RB1CC1: variants seen among roughly 807,000 people sequenced by gnomAD.
RB1CC1 encodes the protein RB1 inducible coiled-coil 1.
In RB1CC1, 46 loss-of-function variants were observed where a neutral mutation model predicts 177.5. That is an observed-to-expected ratio of 0.26 (90% CI 0.20 to 0.33). The LOEUF is 0.33. Among genes scored for constraint, RB1CC1 ranks in the 10% least tolerant of loss-of-function variants. The pLI is 1.00. For missense variants in RB1CC1, 1,703 were observed against 1,816.3 expected (o/e 0.94, Z 1.13); for synonymous variants, 666 against 613.6 (o/e 1.09, Z -1.26).
chr8:52,707,436 T>C lies in RB1CC1; in HGVS notation c.-167+6639A>G, dbSNP rs542072328. Reference sequence around the variant, plus strand: ...TTCTTTTCTTTTTCTTTCTTTCTTTTTTTTTTTTTTTTTTTACAAACTTTC... The same window carrying C: ...TTCTTTTCTTTTTCTTTCTTTCTTTCTTTTTTTTTTTTTTTACAAACTTTC... On this transcript the variant is annotated intron_variant, in intron 1 of 23. Coordinates refer to ENST00000025008, the MANE Select transcript of RB1CC1 (RefSeq NM_014781.5). Among the ~76,000 whole-genome samples the C allele has an allele frequency of 7.9e-3, 1,179 of 148,464 alleles. 6 individuals are homozygous for C. Among genetic ancestry groups the C allele is most frequent in the African/African-American group, 0.027 (1,076 of 40,438 alleles).
rs372410799 is a variant in RB1CC1 at position 52,656,553 on chromosome 8, A to C, written c.3276T>G (p.Leu1092=). The C allele has an allele frequency of 2.5e-6, 4 of 1,610,984 alleles. No homozygotes were observed. The African/African-American group carries it at 5.4e-5, about 22-fold the overall frequency. The change falls in exon 15 of 24, where the codon CTT becomes CTG. Residue 1092 remains leucine, a synonymous_variant. Transcript: ENST00000025008. ...RAQQKETLKS[L]LEQETENLRT... is the part of the protein sequence containing the mutation. Reference sequence around the variant, plus strand: ...TCAAATTTTCTGTCTCTTGTTCAAGAAGAGATTTCAAGGTCTCCTTCTGCT... The same window carrying C: ...TCAAATTTTCTGTCTCTTGTTCAAGCAGAGATTTCAAGGTCTCCTTCTGCT...
chr8:52,683,015 A>G (rs1853909055), intron 5 of RB1CC1, among the ~76,000 whole-genome samples: 1 of 152,224 alleles, frequency 6.6e-6, no homozygotes, highest in African/African-American at 2.4e-5. Context: ...CCATGATTAA[A>G]AGAAAAATGT....
chr8:52,703,757 T>C (rs1259414709), intron 1 of RB1CC1, among the ~76,000 whole-genome samples: 3 of 152,194 alleles, frequency 2.0e-5, no homozygotes, highest in Non-Finnish European at 4.4e-5. Flanking sequence ...CCAAGCTGTA[T>C]TGCAAATGGC....
intron 8 of RB1CC1, among the ~76,000 whole-genome samples, chr8:52,666,461 T>C (rs1852075903): frequency 6.7e-6 from 1 of 150,346 alleles, no homozygotes; most frequent in Non-Finnish European, 1.5e-5. Context: ...GACGTTGCAG[T>C]GAGACGAGAT....
Position 52,656,549 on chromosome 8 carries a change from C to G in RB1CC1, c.3280G>C (p.Glu1094Gln), listed in dbSNP as rs758895434. 22 of 1,611,038 alleles carry G rather than the reference C, an allele frequency of 1.4e-5. No homozygotes were observed. The African/African-American group carries it at 1.6e-4, about 12-fold the overall frequency. ...QQKETLKSLL[E>Q]QETENLRTEI... Reference sequence around the variant, plus strand: ...GTTCTCAAATTTTCTGTCTCTTGTTCAAGAAGAGATTTCAAGGTCTCCTTC... The same window carrying G: ...GTTCTCAAATTTTCTGTCTCTTGTTGAAGAAGAGATTTCAAGGTCTCCTTC... Residue 1094 changes from glutamate (E) to glutamine (Q), a missense_variant, in exon 15 of 24, where the codon GAA becomes CAA. Around this residue, in one of 6 missense-constraint regions of RB1CC1, gnomAD observed 1,169 missense variants for 1,184.7 expected, o/e 0.99. Transcript: ENST00000025008.
At chr8:52,629,259 G>A (rs1848596083) in intron 21 of RB1CC1, among the ~76,000 whole-genome samples, 1 of 152,124 alleles carries the variant, frequency 6.6e-6, no homozygotes, top group African/African-American at 2.4e-5. Flanking sequence ...GTTAAATAAA[G>A]GGTCTTAACT....
chr8:52,655,584 G>A (rs1470474489), intron 15 of RB1CC1, among the ~76,000 whole-genome samples: 1 of 151,990 alleles, frequency 6.6e-6, no homozygotes, highest in African/African-American at 2.4e-5. Context: ...ATGTTCCTAT[G>A]ATTTAGCCTT....
At chr8:52,632,639 G>C (rs920752004) in intron 20 of RB1CC1, among the ~76,000 whole-genome samples, 2 of 152,168 alleles carry the variant, frequency 1.3e-5, no homozygotes, top group African/African-American at 4.8e-5. Flanking sequence ...CTTTCTGAAT[G>C]TGACTGTGAT....
intron 1 of RB1CC1, among the ~76,000 whole-genome samples, chr8:52,704,003 G>A (rs1856332076): frequency 6.6e-6 from 1 of 152,160 alleles, no homozygotes. Flanking sequence ...ATGATCCCAT[G>A]AAACTGAATT....
intron 15 of RB1CC1, among the ~76,000 whole-genome samples, chr8:52,653,984 G>C (rs980174415): frequency 1.3e-5 from 2 of 152,146 alleles, no homozygotes; most frequent in Non-Finnish European, 2.9e-5. Flanking sequence ...TGGTAGAAAA[G>C]GCCAAGTAAA....
intron 5 of RB1CC1, among the ~76,000 whole-genome samples, chr8:52,682,310 T>C (rs1055124023): frequency 3.9e-5 from 6 of 152,160 alleles, no homozygotes; most frequent in Non-Finnish European, 8.8e-5. Flanking sequence ...CTGCCATAAT[T>C]CCGAGGCCTC....
intron 15 of RB1CC1, among the ~76,000 whole-genome samples, chr8:52,653,467 C>G (rs994167116): frequency 5.9e-5 from 9 of 152,026 alleles, no homozygotes; most frequent in African/African-American, 2.2e-4. Context: ...CGGTTAAAGA[C>G]CTACTAAAAC....
At chr8:52,696,051 T>TTTTG (rs1313702224) in intron 1 of RB1CC1, among the ~76,000 whole-genome samples, 26 of 152,294 alleles carry the variant, frequency 1.7e-4, no homozygotes, top group East Asian at 7.7e-4. Context: ...TACTATGGTT[T>TTTTG]TTTTGTTTTT....
At chr8:52,626,088 G>GA (rs1366413495) in intron 22 of RB1CC1, among the ~76,000 whole-genome samples, 1 of 152,036 alleles carries the variant, frequency 6.6e-6, no homozygotes, top group Non-Finnish European at 1.5e-5. Flanking sequence ...CATCCAAAAA[G>GA]AATCATCTAA....
intron 21 of RB1CC1, among the ~76,000 whole-genome samples, chr8:52,629,643 G>C (rs150227755): frequency 6.6e-6 from 1 of 152,160 alleles, no homozygotes; most frequent in South Asian, 2.1e-4. Context: ...GGTTAAGCCT[G>C]ATAAGAAACA....
Position 52,642,602 on chromosome 8 carries a change from C to A in RB1CC1, c.4097-11G>T. On this transcript the variant is annotated splice_polypyrimidine_tract_variant and intron_variant, in intron 17 of 23. Coordinates refer to ENST00000025008, the MANE Select transcript of RB1CC1 (RefSeq NM_014781.5). ...GTGACTCTATCAAATCTGAAGGACA[C>A]CCAAATTTAAAAAAGTATCATGTAA... is the stretch of plus-strand genomic sequence containing the variant. The A allele has an allele frequency of 6.2e-7, 1 of 1,608,552 alleles. No homozygotes were observed. The highest frequency in any genetic ancestry group is 8.5e-7 in the Non-Finnish European group (1 of 1,177,986).
At chr8:52,704,963 AAT>A (rs1856424034) in intron 1 of RB1CC1, among the ~76,000 whole-genome samples, 1 of 152,184 alleles carries the variant, frequency 6.6e-6, no homozygotes, top group Non-Finnish European at 1.5e-5. Flanking sequence ...GCCAATTCTA[AAT>A]TAAAAGTAAC....
intron 1 of RB1CC1, among the ~76,000 whole-genome samples, chr8:52,692,697 G>T (rs1854997934): frequency 6.6e-6 from 1 of 152,166 alleles, no homozygotes; most frequent in Non-Finnish European, 1.5e-5. Flanking sequence ...CATATTCTAT[G>T]ACTTGGGACT....
Position 52,683,631 on chromosome 8 carries a change from T to C in RB1CC1, c.287A>G (p.Asn96Ser). 1 of 1,612,852 alleles carries C rather than the reference T, an allele frequency of 6.2e-7. No individual in the cohort carries two copies. Among genetic ancestry groups the C allele is most frequent in the Non-Finnish European group, 8.5e-7 (1 of 1,179,494 alleles). The change falls in exon 5 of 24, where the codon AAT (asparagine) becomes AGT (serine). Residue 96 changes from asparagine to serine, a missense_variant. This residue lies in a region of RB1CC1 where 118 missense variants were observed against 121.2 expected (regional missense o/e 0.97). Transcript: ENST00000025008. ...AIPKTTFSTE[N>S]DMEIKVEESL... The stretch of plus-strand genomic sequence containing the variant: ...TTCTTCAACTTTTATTTCCATGTCA[T>C]TTTCTGTCGAAAAGGTAGTTTTAGG...
Sources: gnomAD v4.1 joint callset for allele counts (sites outside exome capture counted in the v4.1 genomes callset) on GRCh38, gnomAD v4.1.1 for gene constraint, gnomAD v4.1.1 regional missense constraint, MANE v1.5 for transcripts, NCBI Gene and HGNC (gene_info 2026-07-23, HGNC 2026-07-21) for gene names.